The following DERA variants were observed in gnomAD, a reference collection of about 807,000 sequenced individuals.
The protein encoded by DERA is 2-deoxy-D-ribose 5-phosphate aldolase.
A neutral mutation model predicts 41.1 loss-of-function variants in DERA; 15 were observed. The ratio of observed to expected loss-of-function variants is 0.37; its 90% CI spans 0.24 to 0.56. DERA has a LOEUF of 0.56. DERA is among the 20% of genes least tolerant of loss of function. The pLI, the probability that DERA is intolerant of heterozygous loss-of-function variation, is 0.81. For synonymous variants in DERA, 139 were observed against 137.4 expected (o/e 1.01, Z -0.08); for missense variants, 396 against 403.4 (o/e 0.98, Z 0.16).
At position 16,012,813 on chromosome 12, in the gene DERA, T is replaced by G. The variant is rs1948955523; in HGVS notation, c.638-19729T>G. 6.6e-6 allele frequency among the ~76,000 whole-genome samples: 1 copy of G among 152,216 alleles called. No homozygotes were observed. Among genetic ancestry groups the G allele is most frequent in the Non-Finnish European group, 1.5e-5 (1 of 68,048 alleles). ...ATTTAAAAATTTTTAATAACCACAT[T>G]AATTAAATGAAGAGAAACAGGTGAA... On this transcript the variant is annotated intron_variant, in intron 6 of 8. Transcript: ENST00000428559. The surrounding 1 kb of genome is among the most constrained non-coding windows in gnomAD (Gnocchi z 4.1).
In DERA at chr12:15,921,702, A is replaced by G. The variant is rs1948245301; in HGVS notation, c.31+10288A>G. Among the ~76,000 whole-genome samples, 1 of 152,136 alleles carries G rather than the reference A, an allele frequency of 6.6e-6. No homozygotes were observed. Among genetic ancestry groups the G allele is most frequent in the Admixed American group, 6.5e-5 (1 of 15,280 alleles). On this transcript the variant is annotated intron_variant, in intron 1 of 8. Coordinates refer to ENST00000428559, the MANE Select transcript of DERA (RefSeq NM_015954.4). This position sits in a 1 kb window ranked among gnomAD's most constrained non-coding sequence, Gnocchi z 5.3. ...TTTGGGAATCTGAGGTGGGCAGATCATCTGAGTTCAGGCATTCGAGACCAG... is the reference window on the plus strand; with the variant it reads ...TTTGGGAATCTGAGGTGGGCAGATCGTCTGAGTTCAGGCATTCGAGACCAG...
rs949108142 is a variant in DERA at position 15,989,876 on chromosome 12, G to A, written c.637+7440G>A. Among the ~76,000 whole-genome samples, 2 of 152,180 alleles carry A rather than the reference G, an allele frequency of 1.3e-5. No individual in the cohort carries two copies. Among genetic ancestry groups the A allele is most frequent in the Non-Finnish European group, 2.9e-5 (2 of 68,024 alleles). On this transcript the variant is annotated intron_variant, in intron 6 of 8. Transcript: ENST00000428559. This position sits in a 1 kb window ranked among gnomAD's most constrained non-coding sequence, Gnocchi z 5.2. The stretch of plus-strand genomic sequence containing the variant: ...CAACTAAATGTTAGTAGTCTAAACT[G>A]TAAGGATTATTGGTTTAATCTTGTT...
rs1385581899 is a variant in DERA at position 15,988,814 on chromosome 12, A to C, written c.637+6378A>C. Among the ~76,000 whole-genome samples, 1 of 152,066 alleles carries C rather than the reference A, an allele frequency of 6.6e-6. No individual in the cohort carries two copies. Among genetic ancestry groups the C allele is most frequent in the African/African-American group, 2.4e-5 (1 of 41,404 alleles). Reference sequence around the variant, plus strand: ...CACGGCACCCAGGCTATTCACACTGAGGGGCGCCTGCAGACCCACACCAAG... The same window carrying C: ...CACGGCACCCAGGCTATTCACACTGCGGGGCGCCTGCAGACCCACACCAAG... On this transcript the variant is annotated intron_variant, in intron 6 of 8. Transcript: ENST00000428559. This position sits in a 1 kb window ranked among gnomAD's most constrained non-coding sequence, Gnocchi z 6.0.
chr12:15,948,409 C>G (rs1048893506), intron 1 of DERA, among the ~76,000 whole-genome samples: 2 of 152,118 alleles, frequency 1.3e-5, no homozygotes, highest in African/African-American at 4.8e-5. Context: ...TTTCTTTTTA[C>G]TCTTTTTTCT....
At position 16,037,119 on chromosome 12, in the gene DERA, C is replaced by T. The variant is rs1949134587; in HGVS notation, c.*373C>T. Reference sequence around the variant, plus strand: ...AGGAAAATGCAACATCTCGCAAGCGCTGCTGTAACGACTTCAGGAGTCACT... The same window carrying T: ...AGGAAAATGCAACATCTCGCAAGCGTTGCTGTAACGACTTCAGGAGTCACT... On this transcript the variant is annotated 3_prime_UTR_variant, in exon 9 of 9. Coordinates refer to ENST00000428559, the MANE Select transcript of DERA (RefSeq NM_015954.4). This position sits in a 1 kb window ranked among gnomAD's most constrained non-coding sequence, Gnocchi z 6.7. 1 of 182,596 alleles carries T rather than the reference C, an allele frequency of 5.5e-6. No homozygotes were observed. Among genetic ancestry groups the T allele is most frequent in the African/African-American group, 2.4e-5 (1 of 41,862 alleles). 11.3% of individuals were successfully genotyped at this position (182,596 alleles called of 1,614,324 possible). A position where few individuals can be genotyped will look rare whatever the true frequency, so the allele number is the denominator to read the frequency against.
intron 1 of DERA, among the ~76,000 whole-genome samples, chr12:15,914,467 A>C (rs1948186117): frequency 6.6e-6 from 1 of 151,934 alleles, no homozygotes; most frequent in African/African-American, 2.4e-5. Context: ...ACTTGGGGGA[A>C]CTGGGGAATC....
At chr12:16,032,304 A>T (rs887897349) in intron 6 of DERA, among the ~76,000 whole-genome samples, 4 of 152,240 alleles carry the variant, frequency 2.6e-5, no homozygotes, top group Non-Finnish European at 4.4e-5. Context: ...TATGGAGGCA[A>T]GAGTATCAGA....
chr12:15,969,023 G>A (rs951486537), intron 5 of DERA, among the ~76,000 whole-genome samples: 2 of 152,170 alleles, frequency 1.3e-5, no homozygotes, highest in East Asian at 3.9e-4. Context: ...ACCCTTTAGA[G>A]CTATAATGAT....
At position 16,011,474 on chromosome 12, in the gene DERA, C is replaced by G. The variant is rs1002989570; in HGVS notation, c.638-21068C>G. On this transcript the variant is annotated intron_variant, in intron 6 of 8. Transcript: ENST00000428559. This position sits in a 1 kb window ranked among gnomAD's most constrained non-coding sequence, Gnocchi z 4.7. ...TCATTTCTTTTGAGTATTGTATCAA[C>G]GGAGTTTCGATTTTGGAGCATTTCA... Among the ~76,000 whole-genome samples the G allele has an allele frequency of 6.6e-6, 1 of 152,038 alleles. No homozygotes were observed. The highest frequency in any genetic ancestry group is 1.5e-5 in the Non-Finnish European group (1 of 67,996).
chr12:16,002,463 C>A (rs1425617855), intron 6 of DERA, among the ~76,000 whole-genome samples: 1 of 151,820 alleles, frequency 6.6e-6, no homozygotes, highest in African/African-American at 2.4e-5. Context: ...TCTCTCCTTT[C>A]TTTTTTTAAA....
chr12:16,005,638 G>C (rs930159180), intron 6 of DERA, among the ~76,000 whole-genome samples: 3 of 152,112 alleles, frequency 2.0e-5, no homozygotes, highest in African/African-American at 7.2e-5. Context: ...ATATACCCCT[G>C]CAAGCCATTC....
Position 15,958,663 on chromosome 12 carries a change from C to T in DERA, c.277+328C>T, listed in dbSNP as rs76970516. Among the ~76,000 whole-genome samples, 370 of 151,994 alleles carry T rather than the reference C, an allele frequency of 2.4e-3. 3 individuals carry two copies. The highest frequency in any genetic ancestry group is 8.6e-3 in the African/African-American group (355 of 41,442). ...TACTCTTTCTGATTCCCTAGCCATACGTGAAAAAGCCAGTCTCATTACTTA... is the reference window on the plus strand; with the variant it reads ...TACTCTTTCTGATTCCCTAGCCATATGTGAAAAAGCCAGTCTCATTACTTA... On this transcript the variant is annotated intron_variant, in intron 3 of 8. Transcript: ENST00000428559.
chr12:15,971,378 A>G (rs766384412), intron 5 of DERA, among the ~76,000 whole-genome samples: 3 of 152,224 alleles, frequency 2.0e-5, no homozygotes, highest in Non-Finnish European at 4.4e-5. Context: ...GTGGAATAGC[A>G]AATGAGTTCA....
At position 15,985,670 on chromosome 12, in the gene DERA, A is replaced by G. The variant is rs1948759590; in HGVS notation, c.637+3234A>G. Among the ~76,000 whole-genome samples, 1 of 151,444 alleles carries G rather than the reference A, an allele frequency of 6.6e-6. No homozygotes were observed. Among genetic ancestry groups the G allele is most frequent in the South Asian group, 2.1e-4 (1 of 4,810 alleles). ...ACAATGAGATATTTACTTTCCAAATATTTTGTGCTTTTATGGATATCCTAT... is the reference window on the plus strand; with the variant it reads ...ACAATGAGATATTTACTTTCCAAATGTTTTGTGCTTTTATGGATATCCTAT... On this transcript the variant is annotated intron_variant, in intron 6 of 8. Transcript: ENST00000428559. This position sits in a 1 kb window ranked among gnomAD's most constrained non-coding sequence, Gnocchi z 4.2.
chr12:15,937,512 A>G (rs756591297), intron 1 of DERA, among the ~76,000 whole-genome samples: 5 of 152,228 alleles, frequency 3.3e-5, no homozygotes, highest in Non-Finnish European at 7.3e-5. Flanking sequence ...TGATACTCCA[A>G]TACCATGTGA....
At position 16,019,018 on chromosome 12, in the gene DERA, T is replaced by G. The variant is rs1246534717; in HGVS notation, c.638-13524T>G. ...GTCCCCAAGCTGAGCAGAGGTAAGC[T>G]TGGCTAATGTTAGATTTATGTGAGC... On this transcript the variant is annotated intron_variant, in intron 6 of 8. Transcript: ENST00000428559. This position sits in a 1 kb window ranked among gnomAD's most constrained non-coding sequence, Gnocchi z 4.4. Among the ~76,000 whole-genome samples the G allele has an allele frequency of 6.6e-6, 1 of 152,196 alleles. No homozygotes were observed. Among genetic ancestry groups the G allele is most frequent in the Non-Finnish European group, 1.5e-5 (1 of 68,040 alleles).
In DERA at chr12:15,974,304, G is replaced by A. The variant is rs538985394; in HGVS notation, c.509-8004G>A. On this transcript the variant is annotated intron_variant, in intron 5 of 8. Coordinates refer to ENST00000428559, the MANE Select transcript of DERA (RefSeq NM_015954.4). The stretch of plus-strand genomic sequence containing the variant: ...AGATTTTGCAGATTGTCCCAATAGT[G>A]TTCTTTATTAGGTGTAGTATCAGTT... Among the ~76,000 whole-genome samples, 207 of 152,260 alleles carry A rather than the reference G, an allele frequency of 1.4e-3. 1 individual carries two copies. Among genetic ancestry groups the A allele is most frequent in the Non-Finnish European group, 1.3e-3 (89 of 68,018 alleles).
rs1398037459 is a variant in DERA, at chr12:16,036,248, C to T, written c.767C>T (p.Ala256Val). The T allele has an allele frequency of 6.2e-7, 1 of 1,610,064 alleles. No individual in the cohort carries two copies. Residue 256 changes from alanine to valine, a missense_variant, in exon 8 of 9, where the codon GCA becomes GTA. Transcript: ENST00000428559. This position sits in a 1 kb window ranked among gnomAD's most constrained non-coding sequence, Gnocchi z 4.9. ...KTGNKIGFKP[A>V]GGIRSAKDSL... ...CCCATTTAGATAGGGTTTAAACCAG[C>T]AGGAGGCATCCGCAGTGCAAAGGAT...
chr12:15,934,115 A>T (rs1948348795), intron 1 of DERA, among the ~76,000 whole-genome samples: 1 of 152,166 alleles, frequency 6.6e-6, no homozygotes, highest in Non-Finnish European at 1.5e-5. Context: ...TTCAACTGTG[A>T]ATCCAGTAAT....
Sources: allele counts gnomAD v4.1 joint callset (sites outside exome capture counted in the v4.1 genomes callset), GRCh38; gene constraint gnomAD v4.1.1; non-coding constraint Gnocchi (gnomAD v3.1); transcripts MANE v1.5; gene names NCBI Gene and HGNC (gene_info 2026-07-23, HGNC 2026-07-21).